Variants in ADRA1A observed in about 807,000 individuals in gnomAD.
ADRA1A encodes adrenoceptor alpha 1A.
In ADRA1A, 31 loss-of-function variants were observed where a neutral mutation model predicts 29.6. The ratio of observed to expected loss-of-function variants is 1.05; its 90% confidence interval spans 0.79 to 1.41. ADRA1A has a LOEUF of 1.41. ADRA1A is among the 40% of genes most tolerant of loss of function. The pLI, the probability that ADRA1A is intolerant of heterozygous loss-of-function variation, is 0.00. For synonymous variants in ADRA1A, 311 were observed against 254.3 expected, an observed-to-expected ratio of 1.22 and a Z score of -2.12; for missense variants, 619 against 601.1, an observed-to-expected ratio of 1.03 and a Z score of -0.31.
chr8:26,860,986 T>C lies in ADRA1A; in HGVS notation c.883+3101A>G, dbSNP rs1813412003. 6.6e-6 allele frequency among the ~76,000 whole-genome samples: 1 copy of C among 152,202 alleles called. No individual in the cohort carries two copies. Among genetic ancestry groups the C allele is most frequent in the Admixed American group, 6.5e-5 (1 of 15,290 alleles). On this transcript the variant is annotated intron_variant, in intron 2 of 2. Transcript: ENST00000380573. The surrounding 1 kb of genome is among the most constrained non-coding windows in gnomAD (Gnocchi z 4.7). ...CTATTTTCCCTGTTCCCACTTTTTT[T>C]ATCCTTTGTTCTTTCTAGAAAGTAC... is the stretch of plus-strand genomic sequence containing the variant.
intron 2 of ADRA1A, among the ~76,000 whole-genome samples, chr8:26,780,448 C>T (rs1386209632): frequency 6.6e-6 from 1 of 152,204 alleles, no homozygotes; most frequent in Non-Finnish European, 1.5e-5. Flanking sequence ...CACTCTTCTG[C>T]TCTTCACTCA....
At chr8:26,797,845 C>T (rs1401724480) in intron 2 of ADRA1A, among the ~76,000 whole-genome samples, 2 of 152,054 alleles carry the variant, frequency 1.3e-5, no homozygotes, top group African/African-American at 2.4e-5. Flanking sequence ...ATGGTGTTTA[C>T]GTCAGTACAT....
chr8:26,837,924 T>G (rs946875441), intron 2 of ADRA1A, among the ~76,000 whole-genome samples: 7 of 152,214 alleles, frequency 4.6e-5, no homozygotes, highest in African/African-American at 1.7e-4. Context: ...TCTACCAAAG[T>G]AATACGGAAG....
At chr8:26,750,212 T>C (rs1420131089) in intron 2 of ADRA1A, among the ~76,000 whole-genome samples, 1 of 151,876 alleles carries the variant, frequency 6.6e-6, no homozygotes, top group Non-Finnish European at 1.5e-5. Flanking sequence ...CTTCTTTTTC[T>C]TTTTTTTGAG....
Position 26,770,239 on chromosome 8 carries a change from C to A in ADRA1A, c.1311G>T (p.Gly437=), listed in dbSNP as rs146235804. ...TCTTGTCAAGGCTGGGGGTTGAGGG[C>A]CCTACACAGCAGCAGACCTGCAAAA... ...KSFLQVCCCV[G]PSTPSLDKNH... Residue 437 remains glycine, a synonymous_variant, in exon 3 of 3, where the codon GGG becomes GGT. Transcript: ENST00000380573. 5.5e-4 allele frequency: 883 copies of A among 1,612,772 alleles called. 5 individuals carry two copies. Among genetic ancestry groups the A allele is most frequent in the South Asian group, 3.9e-3 (357 of 90,864 alleles).
intron 2 of ADRA1A, among the ~76,000 whole-genome samples, chr8:26,797,853 C>T (rs1488017829): frequency 6.6e-6 from 1 of 152,084 alleles, no homozygotes; most frequent in African/African-American, 2.4e-5. Context: ...TACGTCAGTA[C>T]ATAATTGTTA....
rs968763557 is a variant in ADRA1A at position 26,864,573 on chromosome 8, G to T, written c.397C>A (p.Arg133Ser). 5 of 1,613,992 alleles carry T rather than the reference G, an allele frequency of 3.1e-6. No homozygotes were observed. The highest frequency in any genetic ancestry group is 4.2e-6 in the Non-Finnish European group (5 of 1,180,036). Residue 133 changes from arginine (R) to serine (S), a missense_variant, in exon 2 of 3, where the codon CGC becomes AGC. Physicochemically the swap from Arg to Ser is moderately radical, Grantham distance 110. Coordinates refer to ENST00000380573, the MANE Select transcript of ADRA1A (RefSeq NM_000680.4). The surrounding 1 kb of genome is among the most constrained non-coding windows in gnomAD (Gnocchi z 8.1). ...CTCTGGGTGACGATGGTTGGGTAGC[G>T]CAGCGGGTAGCTCACGCCGATGTAG... ...DRYIGVSYPL[R>S]YPTIVTQRRG...
chr8:26,770,230 G>A lies in ADRA1A; in HGVS notation c.1320C>T (p.Thr440=), dbSNP rs763315626. The A allele has an allele frequency of 3.1e-6, 5 of 1,610,872 alleles. No individual in the cohort carries two copies. The highest frequency in any genetic ancestry group is 2.5e-6 in the Non-Finnish European group (3 of 1,177,932). Residue 440 remains threonine, a synonymous_variant, in exon 3 of 3, where the codon ACC becomes ACT. Transcript: ENST00000380573. ...LQVCCCVGPS[T]PSLDKNHQVP... ...CTTGATGGTTCTTGTCAAGGCTGGG[G>A]GTTGAGGGCCCTACACAGCAGCAGA...
intron 2 of ADRA1A, among the ~76,000 whole-genome samples, chr8:26,820,215 C>T (rs1211871244): frequency 6.6e-6 from 1 of 152,122 alleles, no homozygotes; most frequent in Admixed American, 6.5e-5. Context: ...TAAAGAAATA[C>T]CAGACTTGAA....
rs143149182 is a variant in ADRA1A at position 26,825,370 on chromosome 8, G to T, written c.883+38717C>A. On this transcript the variant is annotated intron_variant, in intron 2 of 2. Transcript: ENST00000380573. This position sits in a 1 kb window ranked among gnomAD's most constrained non-coding sequence, Gnocchi z 5.7. ...ATGAAACACTCAAGTGGGAGAGTTTGGTTGTTTGACAAAAAATGGGGAGGG... is the reference window on the plus strand; with the variant it reads ...ATGAAACACTCAAGTGGGAGAGTTTTGTTGTTTGACAAAAAATGGGGAGGG... Among the ~76,000 whole-genome samples, 1,067 of 151,504 alleles carry T rather than the reference G, an allele frequency of 7.0e-3. 17 individuals are homozygous for T. Among genetic ancestry groups the T allele is most frequent in the Admixed American group, 0.039 (602 of 15,260 alleles).
At chr8:26,782,335 A>G (rs1358679617) in intron 2 of ADRA1A, among the ~76,000 whole-genome samples, 3 of 152,202 alleles carry the variant, frequency 2.0e-5, no homozygotes, top group Non-Finnish European at 4.4e-5. Context: ...AGGAATTTTA[A>G]TAGCTCATTT....
intron 2 of ADRA1A, among the ~76,000 whole-genome samples, chr8:26,772,644 T>C (rs965052879): frequency 1.3e-5 from 2 of 152,188 alleles, no homozygotes; most frequent in African/African-American, 2.4e-5. Flanking sequence ...TCCTCTCTGC[T>C]CTGTGGACCT....
intron 2 of ADRA1A, among the ~76,000 whole-genome samples, chr8:26,801,522 C>CAAATA (rs746630006): frequency 6.6e-6 from 1 of 151,840 alleles, no homozygotes; most frequent in African/African-American, 2.4e-5. Context: ...ACAATAGCTA[C>CAAATA]AAATAAAATA....
chr8:26,763,113 G>A (rs760034465), downstream of ADRA1A, among the ~76,000 whole-genome samples: 1 of 152,084 alleles, frequency 6.6e-6, no homozygotes, highest in African/African-American at 2.4e-5. This position sits in a 1 kb window ranked among gnomAD's most constrained non-coding sequence, Gnocchi z 4.5. Flanking sequence ...GAGAAATTCT[G>A]CATCCTATCT....
intron 2 of ADRA1A, among the ~76,000 whole-genome samples, chr8:26,809,093 T>G (rs1809199275): frequency 6.6e-6 from 1 of 152,242 alleles, no homozygotes; most frequent in Non-Finnish European, 1.5e-5. Context: ...GCATAAGGTA[T>G]GTGTTCAGTA....
intron 2 of ADRA1A, among the ~76,000 whole-genome samples, chr8:26,773,382 G>GA (rs1563241322): frequency 6.6e-6 from 1 of 152,214 alleles, no homozygotes; most frequent in African/African-American, 2.4e-5. Context: ...GTCAGTTCCA[G>GA]AAAAAAATTT....
At chr8:26,803,503 C>A (rs922760540) in intron 2 of ADRA1A, among the ~76,000 whole-genome samples, 23 of 152,180 alleles carry the variant, frequency 1.5e-4, no homozygotes, top group Admixed American at 1.5e-3. Context: ...TCGAAAAATA[C>A]CTTTGTGATC....
downstream of ADRA1A, among the ~76,000 whole-genome samples, chr8:26,753,561 T>C (rs1805017280): frequency 6.6e-6 from 1 of 152,226 alleles, no homozygotes; most frequent in Admixed American, 6.5e-5. Flanking sequence ...CCTATACTTA[T>C]TTACTTATTT....
chr8:26,867,038 ACCGTGTCTCCGAGGCACCAAAT>A lies in ADRA1A; in HGVS notation c.-811_-790del. The A allele has an allele frequency of 1.0e-6, 1 of 985,228 alleles. No individual in the cohort carries two copies. The highest frequency in any genetic ancestry group is 1.2e-6 in the Non-Finnish European group (1 of 829,932). The allele number at this position is 985,228 out of a possible 1,614,324, so 61.0% of individuals were successfully genotyped here. On this transcript the variant is annotated 5_prime_UTR_variant, in exon 1 of 3. Transcript: ENST00000380573. ...GCTCTTCTCTGGAGGCGGAGAGGGGACCGTGTCTCCGAGGCACCAAATCCTTGTCCTTTTGCACCCGCTGACT... is the reference window on the plus strand; with the variant it reads ...GCTCTTCTCTGGAGGCGGAGAGGGGACCTTGTCCTTTTGCACCCGCTGACT...
Sources: gnomAD v4.1 joint callset for allele counts (sites outside exome capture counted in the v4.1 genomes callset) on GRCh38, gnomAD v4.1.1 for gene constraint, Gnocchi (gnomAD v3.1) non-coding constraint, MANE v1.5 for transcripts, NCBI Gene and HGNC (gene_info 2026-07-23, HGNC 2026-07-21) for gene names.